The following ANKRD12 variants were observed in gnomAD, a reference collection of about 807,000 sequenced individuals.
ANKRD12 encodes the protein ankyrin repeat domain 12, also known as ankyrin repeat domain-containing protein 12.
A neutral mutation model predicts 183.4 loss-of-function variants in ANKRD12; 85 were observed. That is an observed-to-expected ratio of 0.46 (90% CI 0.39 to 0.56). The LOEUF (loss-of-function observed/expected upper bound fraction) is 0.56, where lower values mean the gene tolerates loss of function less well. Among genes scored for constraint, ANKRD12 ranks in the 20% least tolerant of loss-of-function variants. The pLI, the probability that ANKRD12 is intolerant of heterozygous loss-of-function variation, is 0.00. For synonymous variants in ANKRD12, 914 were observed against 800.2 expected, an observed-to-expected ratio of 1.14 and a Z score of -2.40; for missense variants, 2,405 against 2,357.1, an observed-to-expected ratio of 1.02 and a Z score of -0.42.
Position 9,254,194 on chromosome 18 carries a change from T to C in ANKRD12, c.944-17T>C. The C allele has an allele frequency of 2.0e-6, 3 of 1,481,814 alleles. No individual in the cohort carries two copies. The highest frequency in any genetic ancestry group is 2.7e-6 in the Non-Finnish European group (3 of 1,119,644). The allele number at this position is 1,481,814 out of a possible 1,614,324, so 91.8% of individuals were successfully genotyped here. On this transcript the variant is annotated splice_polypyrimidine_tract_variant and intron_variant, in intron 8 of 12. Transcript: ENST00000262126. ...GTTTTGTTTGACCCACACCACATTT[T>C]CTTTTTTTTATTCTAGATTCCGAAG...
intron 8 of ANKRD12, among the ~76,000 whole-genome samples, chr18:9,237,314 T>C (rs1356771762): frequency 6.6e-6 from 1 of 152,206 alleles, no homozygotes; most frequent in Non-Finnish European, 1.5e-5. Context: ...GGTCAAAGAT[T>C]GATGGTCACT....
At chr18:9,140,895 C>T (rs1326469890) in intron 1 of ANKRD12, among the ~76,000 whole-genome samples, 1 of 152,068 alleles carries the variant, frequency 6.6e-6, no homozygotes, top group African/African-American at 2.4e-5. Context: ...TTAAGTGAAA[C>T]ATTTCAGGTA....
chr18:9,238,394 C>G (rs2037467849), intron 8 of ANKRD12, among the ~76,000 whole-genome samples: 1 of 152,192 alleles, frequency 6.6e-6, no homozygotes, highest in African/African-American at 2.4e-5. Context: ...AAGCTTCAAA[C>G]TTACATATTT....
At chr18:9,156,690 T>A (rs913522874) in intron 1 of ANKRD12, among the ~76,000 whole-genome samples, 2 of 152,232 alleles carry the variant, frequency 1.3e-5, no homozygotes, top group Non-Finnish European at 2.9e-5. Context: ...GCAGCATTAT[T>A]CACAATAGCC....
At chr18:9,260,314 G>GT (rs1269488413) in intron 9 of ANKRD12, 2 of 152,188 alleles carry the variant, frequency 1.3e-5, no homozygotes, top group African/African-American at 4.8e-5. Flanking sequence ...GGAGGCCAAG[G>GT]TGGAAAGACC....
In ANKRD12 at chr18:9,139,334, C is replaced by T. The variant is rs540921175; in HGVS notation, c.-52+2369C>T. On this transcript the variant is annotated intron_variant, in intron 1 of 12. Coordinates refer to ENST00000262126, the MANE Select transcript of ANKRD12 (RefSeq NM_015208.5). Reference sequence around the variant, plus strand: ...TATCAAGCTGTCGATATTACTTTTTCCCCTATAGAAGTTGAAAACCATGAC... The same window carrying T: ...TATCAAGCTGTCGATATTACTTTTTTCCCTATAGAAGTTGAAAACCATGAC... Among the ~76,000 whole-genome samples the T allele has an allele frequency of 2.6e-5, 4 of 152,052 alleles. No individual in the cohort carries two copies. The East Asian group carries it at 7.7e-4, about 29-fold the overall frequency.
chr18:9,172,461 C>A (rs1033739443), intron 1 of ANKRD12, among the ~76,000 whole-genome samples: 1 of 152,090 alleles, frequency 6.6e-6, no homozygotes, highest in African/African-American at 2.4e-5. Context: ...TATCTTATTT[C>A]AGAAAGACAG....
Position 9,256,439 on chromosome 18 carries a change from CCAG to C in ANKRD12, c.3175_3177del (p.Ala1059del). ...AGATAAGCCTAAACCTAAGTCATCA[CCAG>C]CATCAAAAGATACCCGACCTAAAGA... On this transcript the variant is annotated inframe_deletion, in exon 9 of 13. Transcript: ENST00000262126. The C allele has an allele frequency of 6.2e-7, 1 of 1,613,330 alleles. No homozygotes were observed.
intron 2 of ANKRD12, among the ~76,000 whole-genome samples, chr18:9,183,444 A>G (rs959117941): frequency 7.2e-5 from 11 of 152,198 alleles, no homozygotes; most frequent in African/African-American, 2.7e-4. Context: ...TTTTCAGTGT[A>G]AAAGTGTTGC....
In ANKRD12 at chr18:9,255,227, A is replaced by G. The variant is rs770575786; in HGVS notation, c.1960A>G (p.Lys654Glu). ...DKEGKTLKKH[K>E]LKHKEREKEK... ...AGAAGGTAAAACATTAAAAAAACAT[A>G]AATTGAAGCATAAAGAGAGGGAAAA... Residue 654 changes from lysine (K) to glutamate (E), a missense_variant, in exon 9 of 13, where the codon AAA becomes GAA. By Grantham distance (56) the Lys-to-Glu change is moderately conservative. Around this residue, in one of 7 missense-constraint regions of ANKRD12, gnomAD observed 1,983 missense variants for 1,725.9 expected, o/e 1.15. Transcript: ENST00000262126. The G allele has an allele frequency of 1.3e-6, 2 of 1,572,482 alleles. No homozygotes were observed. The highest frequency in any genetic ancestry group is 1.7e-6 in the Non-Finnish European group (2 of 1,168,204).
At chr18:9,189,651 A>G (rs2034327336) in intron 2 of ANKRD12, among the ~76,000 whole-genome samples, 1 of 152,354 alleles carries the variant, frequency 6.6e-6, no homozygotes, top group East Asian at 1.9e-4. Flanking sequence ...GCCAAGACCC[A>G]TAAGAATTAC....
intron 7 of ANKRD12, among the ~76,000 whole-genome samples, chr18:9,218,143 A>G (rs1261511694): frequency 2.0e-5 from 3 of 152,210 alleles, no homozygotes; most frequent in Admixed American, 2.0e-4. Context: ...GTGTAATTTT[A>G]AAGAATTATG....
At chr18:9,251,605 C>G (rs969752548) in intron 8 of ANKRD12, among the ~76,000 whole-genome samples, 2 of 152,018 alleles carry the variant, frequency 1.3e-5, no homozygotes, top group African/African-American at 2.4e-5. Context: ...ACCAGTCTGA[C>G]CAACATGGTG....
At chr18:9,176,288 A>G (rs2033260471) in intron 1 of ANKRD12, among the ~76,000 whole-genome samples, 2 of 150,938 alleles carry the variant, frequency 1.3e-5, no homozygotes, top group Admixed American at 1.3e-4. Context: ...TTTTTTTTTG[A>G]GACTGGGTCT....
At chr18:9,277,834 T>C (rs1159006695) in intron 11 of ANKRD12, among the ~76,000 whole-genome samples, 1 of 152,154 alleles carries the variant, frequency 6.6e-6, no homozygotes, top group Non-Finnish European at 1.5e-5. Context: ...AAAAAGAGAA[T>C]TTAAAAAATA....
Position 9,177,379 on chromosome 18 carries a change from T to C in ANKRD12, c.-51-5003T>C, listed in dbSNP as rs138148973. On this transcript the variant is annotated intron_variant, in intron 1 of 12. Coordinates refer to ENST00000262126, the MANE Select transcript of ANKRD12 (RefSeq NM_015208.5). ...GTTTCTCACCAACATTTAGTCTTCT[T>C]AGTCTTTAATTTTAACCATTCTGGT... 9.1e-4 allele frequency among the ~76,000 whole-genome samples: 139 copies of C among 152,288 alleles called. 1 individual carries two copies. The East Asian group carries it at 0.025, about 27-fold the overall frequency.
At chr18:9,164,679 C>T (rs1234364128) in intron 1 of ANKRD12, among the ~76,000 whole-genome samples, 1 of 152,120 alleles carries the variant, frequency 6.6e-6, no homozygotes, top group Non-Finnish European at 1.5e-5. Flanking sequence ...GCAGGTTGTT[C>T]AGTTTACATG....
chr18:9,280,406 G>A (rs997862301), intron 12 of ANKRD12, among the ~76,000 whole-genome samples: 3 of 152,162 alleles, frequency 2.0e-5, no homozygotes, highest in Non-Finnish European at 4.4e-5. Flanking sequence ...TCCGTGACCC[G>A]GGGGTTGGGG....
intron 10 of ANKRD12, among the ~76,000 whole-genome samples, chr18:9,269,259 G>GA (rs1279261793): frequency 2.0e-5 from 3 of 152,092 alleles, no homozygotes; most frequent in East Asian, 1.9e-4. Flanking sequence ...CACAGAATTG[G>GA]AAAAAACTAC....
Sources: gnomAD v4.1 joint callset for allele counts (sites outside exome capture counted in the v4.1 genomes callset) on GRCh38, gnomAD v4.1.1 for gene constraint, gnomAD v4.1.1 regional missense constraint, MANE v1.5 for transcripts, NCBI Gene and HGNC (gene_info 2026-07-23, HGNC 2026-07-21) for gene names.